LGR6: variants seen among roughly 807,000 people sequenced by gnomAD.
The protein encoded by LGR6 is leucine rich repeat containing G protein-coupled receptor 6, also known as leucine-rich repeat-containing G protein-coupled receptor 6.
In LGR6, 45 loss-of-function variants were observed where a neutral mutation model predicts 69.4. That is an observed-to-expected ratio of 0.65 (90% CI 0.51 to 0.83). The LOEUF is 0.83. LGR6 is among the 40% of genes least tolerant of loss of function. The pLI, the probability that LGR6 is intolerant of heterozygous loss-of-function variation, is 0.00. For missense variants in LGR6, 1,108 were observed against 1,246.7 expected, an observed-to-expected ratio of 0.89 and a Z score of 1.68; for synonymous variants, 538 against 555.0, an observed-to-expected ratio of 0.97 and a Z score of 0.43.
intron 6 of LGR6, among the ~76,000 whole-genome samples, chr1:202,293,277 G>A (rs1180807461): frequency 6.6e-6 from 1 of 152,114 alleles, no homozygotes; most frequent in Non-Finnish European, 1.5e-5. Context: ...CGACTCCACA[G>A]CACTCACTTC....
At chr1:202,276,551 T>C in intron 5 of LGR6, 30 bp downstream of exon 5, 1 of 1,561,282 alleles carries the variant, frequency 6.4e-7, no homozygotes, top group Non-Finnish European at 8.8e-7. Flanking sequence ...CCATCCCCAG[T>C]GGGGTCCTGC....
At chr1:202,313,881 T>G (rs887934701) in intron 16 of LGR6, among the ~76,000 whole-genome samples, 1 of 152,216 alleles carries the variant, frequency 6.6e-6, no homozygotes, top group Non-Finnish European at 1.5e-5. Flanking sequence ...AGTAAATAAA[T>G]CTGTTAGTTG....
At chr1:202,264,502 C>G (rs1440541767) in intron 4 of LGR6, among the ~76,000 whole-genome samples, 1 of 152,216 alleles carries the variant, frequency 6.6e-6, no homozygotes, top group Admixed American at 6.5e-5. Context: ...AACCACAGGA[C>G]CCGGCTCCCA....
chr1:202,259,802 A>T (rs1208293125), intron 4 of LGR6, among the ~76,000 whole-genome samples: 3 of 152,006 alleles, frequency 2.0e-5, no homozygotes, highest in Admixed American at 2.0e-4. Flanking sequence ...TAGAGTGAAC[A>T]CAAGTTCTGC....
At chr1:202,223,309 T>A (rs1455568102) in intron 1 of LGR6, among the ~76,000 whole-genome samples, 1 of 152,204 alleles carries the variant, frequency 6.6e-6, no homozygotes, top group Non-Finnish European at 1.5e-5. Flanking sequence ...GCACGGAATG[T>A]CTTCCTTCCT....
intron 4 of LGR6, among the ~76,000 whole-genome samples, chr1:202,246,823 T>A (rs1395086253): frequency 6.6e-6 from 1 of 152,222 alleles, no homozygotes; most frequent in African/African-American, 2.4e-5. Flanking sequence ...GTTACCAGGC[T>A]CTAGGCTAAT....
intron 7 of LGR6, among the ~76,000 whole-genome samples, chr1:202,300,499 C>A (rs774323820): frequency 2.0e-5 from 3 of 151,856 alleles, no homozygotes; most frequent in South Asian, 4.2e-4. Flanking sequence ...ACAAAAAAAT[C>A]AAAAAATTAG....
intron 4 of LGR6, among the ~76,000 whole-genome samples, chr1:202,245,895 T>C (rs954655836): frequency 6.6e-6 from 1 of 152,022 alleles, no homozygotes; most frequent in Admixed American, 6.5e-5. Flanking sequence ...TATTGGTGTG[T>C]CTCTGTCCAT....
chr1:202,239,187 G>A (rs563717823), intron 4 of LGR6, among the ~76,000 whole-genome samples: 2 of 152,136 alleles, frequency 1.3e-5, no homozygotes, highest in East Asian at 1.9e-4. Context: ...TCTTGCTGGC[G>A]TACGCAAGTA....
intron 4 of LGR6, among the ~76,000 whole-genome samples, chr1:202,274,593 C>T (rs190525766): frequency 1.3e-5 from 2 of 152,328 alleles, no homozygotes; most frequent in East Asian, 3.9e-4. Context: ...CAATGAATCA[C>T]CTGGGAGTCA....
intron 3 of LGR6, among the ~76,000 whole-genome samples, chr1:202,232,294 T>C (rs1661150017): frequency 6.6e-6 from 1 of 152,024 alleles, no homozygotes; most frequent in Non-Finnish European, 1.5e-5. Flanking sequence ...TTTTATACTT[T>C]TTGGATGTGA....
rs1558027339 is a variant in LGR6 at position 202,239,347 on chromosome 1, GTGTGTGTGT to G, written c.428+3355_428+3363del. 5.9e-4 allele frequency among the ~76,000 whole-genome samples: 11 copies of G among 18,560 alleles called. No individual in the cohort carries two copies. In the South Asian group the frequency reaches 6.6e-3, roughly 11 times the overall value. 12.2% of individuals were successfully genotyped at this position (18,560 alleles called of 152,430 possible). On this transcript the variant is annotated intron_variant, in intron 4 of 17. Coordinates refer to ENST00000367278, the MANE Select transcript of LGR6 (RefSeq NM_001017403.2). ...CTGGCTGAACTTGTGTGTGTGTGGT[GTGTGTGTGT>G]GTGTGTGTGTGTGTGTGTGTGTGTG...
At chr1:202,251,481 A>T (rs1172941291) in intron 4 of LGR6, among the ~76,000 whole-genome samples, 1 of 152,174 alleles carries the variant, frequency 6.6e-6, no homozygotes, top group Non-Finnish European at 1.5e-5. Context: ...CACCATTTCC[A>T]GAGCTCCAGG....
chr1:202,267,740 A>C (rs537395652), intron 4 of LGR6, among the ~76,000 whole-genome samples: 1 of 152,228 alleles, frequency 6.6e-6, no homozygotes, highest in South Asian at 2.1e-4. Context: ...TTGTTTTATC[A>C]AACAGCAAAG....
chr1:202,248,192 A>G (rs1008355542), intron 4 of LGR6, among the ~76,000 whole-genome samples: 2 of 152,172 alleles, frequency 1.3e-5, no homozygotes, highest in African/African-American at 4.8e-5. Context: ...AGGACCTTAG[A>G]ATACTGGGGC....
chr1:202,215,867 G>A (rs919509545), intron 1 of LGR6, among the ~76,000 whole-genome samples: 4 of 152,180 alleles, frequency 2.6e-5, no homozygotes, highest in Non-Finnish European at 4.4e-5. Flanking sequence ...AGTTTTAATC[G>A]AGCACAGGAT....
At chr1:202,303,807 G>A (rs903760762) in intron 10 of LGR6, among the ~76,000 whole-genome samples, 19 of 152,096 alleles carry the variant, frequency 1.2e-4, no homozygotes, top group Admixed American at 1.3e-4. Context: ...TGAAACAATC[G>A]AGCAAACACC....
chr1:202,297,955 C>T (rs1245947841), intron 7 of LGR6, among the ~76,000 whole-genome samples: 3 of 152,238 alleles, frequency 2.0e-5, no homozygotes, highest in African/African-American at 7.2e-5. Context: ...GATCACTCCT[C>T]AGCACCTTGT....
At chr1:202,261,400 A>G (rs1664221811) in intron 4 of LGR6, among the ~76,000 whole-genome samples, 1 of 152,126 alleles carries the variant, frequency 6.6e-6, no homozygotes, top group African/African-American at 2.4e-5. Context: ...ATGTCCCTAC[A>G]AAGGACATGA....
Sources: allele counts gnomAD v4.1 joint callset (sites outside exome capture counted in the v4.1 genomes callset), GRCh38; gene constraint gnomAD v4.1.1; transcripts MANE v1.5; gene names NCBI Gene and HGNC (gene_info 2026-07-23, HGNC 2026-07-21).